Variants in OR5A1 observed in about 807,000 individuals in gnomAD.
OR5A1 encodes olfactory receptor 5A1.
OR5A1 carries 6 observed loss-of-function variants against 6.7 expected under a neutral mutation model. The ratio of observed to expected loss-of-function variants is 0.89; its 90% CI spans 0.49 to 1.76. The LOEUF (loss-of-function observed/expected upper bound fraction) is 1.76. Ranked by LOEUF, OR5A1 falls within the 40% of genes most tolerant of loss-of-function variation. The pLI is 0.01. For synonymous variants in OR5A1, 170 were observed against 155.0 expected (o/e 1.10, Z -0.72); for missense variants, 378 against 381.7 (o/e 0.99, Z 0.08).
chr11:59,451,356 A>G lies in OR5A1; in HGVS notation c.*7240A>G, dbSNP rs1402893477. The G allele has an allele frequency of 6.6e-6, 1 of 152,078 alleles. No homozygotes were observed. Among genetic ancestry groups the G allele is most frequent in the Admixed American group, 6.6e-5 (1 of 15,242 alleles). The allele number at this position is 152,078 out of a possible 1,614,324, so 9.4% of individuals were successfully genotyped here. ...CTCCTAATATATTTATCTGATCAAT[A>G]GTTGATTGACTGTCTTTTCACATGT... On this transcript the variant is annotated 3_prime_UTR_variant, in exon 2 of 2. Coordinates refer to ENST00000641045, the MANE Select transcript of OR5A1 (RefSeq NM_001004728.2).
At position 59,438,941 on chromosome 11, in the gene OR5A1, A is replaced by G. The variant is rs546859978; in HGVS notation, c.-34+2106A>G. ...TTTCATCAATCATTTGTACATTCAG[A>G]TAAAAGAAAGACCTGGAAGAGCAGT... On this transcript the variant is annotated intron_variant, in intron 1 of 1. Transcript: ENST00000641045. Among the ~76,000 whole-genome samples the G allele has an allele frequency of 2.6e-5, 4 of 152,328 alleles. No homozygotes were observed. The South Asian group carries it at 8.3e-4, about 32-fold the overall frequency.
At chr11:59,438,506 G>A (rs1858447109) in intron 1 of OR5A1, among the ~76,000 whole-genome samples, 1 of 152,248 alleles carries the variant, frequency 6.6e-6, no homozygotes, top group African/African-American at 2.4e-5. Context: ...CTCTAAGGAG[G>A]GAAATTTGCT....
Position 59,443,271 on chromosome 11 carries a change from C to T in OR5A1, c.103C>T (p.Leu35=). The T allele has an allele frequency of 1.2e-6, 2 of 1,613,954 alleles. No individual in the cohort carries two copies. The highest frequency in any genetic ancestry group is 1.7e-6 in the Non-Finnish European group (2 of 1,179,948). The change falls in exon 2 of 2, where the codon CTG becomes TTG. Residue 35 remains leucine, a synonymous_variant. Transcript: ENST00000641045. ...CCAGGCCCTCCTCTTTGTGACCTTC[C>T]TGGGCATCTATCTTACCACCCTGGC... ...ELQALLFVTF[L]GIYLTTLAWN...
rs770027441 is a variant in OR5A1 at position 59,443,816 on chromosome 11, A to G, written c.648A>G (p.Gln216=). Reference sequence around the variant, plus strand: ...CTGTCGGAGGAACATCGTTCCTCCAACTCCTTATCTCCTATGGTTACATAG... The same window carrying G: ...CTGTCGGAGGAACATCGTTCCTCCAGCTCCTTATCTCCTATGGTTACATAG... ...VVTVGGTSFL[Q]LLISYGYIVS... is the part of the protein sequence containing the mutation. The change falls in exon 2 of 2, where the codon CAA becomes CAG. Residue 216 remains glutamine, a synonymous_variant. Transcript: ENST00000641045. The G allele has an allele frequency of 6.2e-7, 1 of 1,613,686 alleles. No individual in the cohort carries two copies. Among genetic ancestry groups the G allele is most frequent in the African/African-American group, 1.3e-5 (1 of 74,786 alleles).
chr11:59,441,551 T>C (rs1858480354), intron 1 of OR5A1, among the ~76,000 whole-genome samples: 1 of 152,202 alleles, frequency 6.6e-6, no homozygotes, highest in South Asian at 2.1e-4. Flanking sequence ...ATAAGCCACA[T>C]GGCCCTCTGA....
chr11:59,449,726 A>T lies in OR5A1; in HGVS notation c.*5610A>T, dbSNP rs924598841. ...ATGCATTAAGCCATTTAATTGACTT[A>T]TACAGCAACATAAGTGAATAGGGGA... On this transcript the variant is annotated 3_prime_UTR_variant, in exon 2 of 2. Transcript: ENST00000641045. 3.3e-5 allele frequency: 5 copies of T among 152,224 alleles called. No individual in the cohort carries two copies. Among genetic ancestry groups the T allele is most frequent in the Non-Finnish European group, 5.9e-5 (4 of 68,036 alleles). The allele number at this position is 152,224 out of a possible 1,614,324, so 9.4% of individuals were successfully genotyped here. A position where few individuals can be genotyped will look rare whatever the true frequency, so the allele number is the denominator to read the frequency against.
At chr11:59,440,060 C>T (rs200867669) in intron 1 of OR5A1, among the ~76,000 whole-genome samples, 1 of 152,076 alleles carries the variant, frequency 6.6e-6, no homozygotes, top group Non-Finnish European at 1.5e-5. Flanking sequence ...TAAGTAGTTA[C>T]TGTTTGTTTT....
chr11:59,444,319 G>GAAAA lies in OR5A1; in HGVS notation c.*220_*223dup, dbSNP rs35421205. 254 of 81,406 alleles carry GAAAA rather than the reference G, an allele frequency of 3.1e-3. 6 individuals carry two copies. The highest frequency in any genetic ancestry group is 4.4e-3 in the African/African-American group (86 of 19,596). 5.0% of individuals were successfully genotyped at this position (81,406 alleles called of 1,614,324 possible). On this transcript the variant is annotated 3_prime_UTR_variant, in exon 2 of 2. Coordinates refer to ENST00000641045, the MANE Select transcript of OR5A1 (RefSeq NM_001004728.2). Reference sequence around the variant, plus strand: ...GCCAAAAAGGGAAGGAATTTCTTCAGAAAAAAAAAAAAAAAAAAAAGAACC... The same window carrying GAAAA: ...GCCAAAAAGGGAAGGAATTTCTTCAGAAAAAAAAAAAAAAAAAAAAAAAAGAACC...
chr11:59,450,036 G>A lies in OR5A1; in HGVS notation c.*5920G>A, dbSNP rs1177426158. ...AAGCAAGCCTCACTATGCAAAGTAA[G>A]GTGTATGTTCCCCATTTCATGGAAT... On this transcript the variant is annotated 3_prime_UTR_variant, in exon 2 of 2. Coordinates refer to ENST00000641045, the MANE Select transcript of OR5A1 (RefSeq NM_001004728.2). 1 of 152,140 alleles carries A rather than the reference G, an allele frequency of 6.6e-6. No homozygotes were observed. The highest frequency in any genetic ancestry group is 2.4e-5 in the African/African-American group (1 of 41,416). The allele number at this position is 152,140 out of a possible 1,614,324, so 9.4% of individuals were successfully genotyped here.
Position 59,449,137 on chromosome 11 carries a change from G to A in OR5A1, c.*5021G>A, listed in dbSNP as rs1281460664. 6.6e-6 allele frequency: 1 copy of A among 152,098 alleles called. No individual in the cohort carries two copies. The highest frequency in any genetic ancestry group is 1.5e-5 in the Non-Finnish European group (1 of 68,012). The allele number at this position is 152,098 out of a possible 1,614,324, so 9.4% of individuals were successfully genotyped here. A position where few individuals can be genotyped will look rare whatever the true frequency, so the allele number is the denominator to read the frequency against. On this transcript the variant is annotated 3_prime_UTR_variant, in exon 2 of 2. Transcript: ENST00000641045. The stretch of plus-strand genomic sequence containing the variant: ...ATCTGCAACTGCCAACTTCTCCACT[G>A]AAAATATATTTCCTACAAATATCCA...
chr11:59,440,264 G>T (rs1316986645), intron 1 of OR5A1, among the ~76,000 whole-genome samples: 1 of 151,970 alleles, frequency 6.6e-6, no homozygotes, highest in Non-Finnish European at 1.5e-5. Flanking sequence ...TAGAGATGAG[G>T]TCTCACCATG....
Position 59,444,005 on chromosome 11 carries a change from T to C in OR5A1, c.837T>C (p.Val279=). 6 of 1,614,106 alleles carry C rather than the reference T, an allele frequency of 3.7e-6. No homozygotes were observed. Among genetic ancestry groups the C allele is most frequent in the Non-Finnish European group, 4.2e-6 (5 of 1,180,018 alleles). ...YLLGRDKVVS[V]FYSLVIPMLN... The stretch of plus-strand genomic sequence containing the variant: ...TAGGCAGGGACAAGGTGGTGTCTGT[T>C]TTCTATTCATTGGTGATCCCCATGC... The change falls in exon 2 of 2, where the codon GTT becomes GTC. Residue 279 remains valine, a synonymous_variant. Coordinates refer to ENST00000641045, the MANE Select transcript of OR5A1 (RefSeq NM_001004728.2).
chr11:59,441,003 T>C (rs1391811247), intron 1 of OR5A1, among the ~76,000 whole-genome samples: 2 of 152,152 alleles, frequency 1.3e-5, no homozygotes, highest in East Asian at 3.8e-4. Context: ...TGGGCCCCAA[T>C]TTCAAGGGCA....
Position 59,444,527 on chromosome 11 carries a change from G to C in OR5A1, c.*411G>C, listed in dbSNP as rs1326471501. On this transcript the variant is annotated 3_prime_UTR_variant, in exon 2 of 2. Transcript: ENST00000641045. ...CAGCAAGGAAAATTAACTTGCTCAG[G>C]GTCACCAAGGAAGAGGCAGAACTCT... 3 of 156,488 alleles carry C rather than the reference G, an allele frequency of 1.9e-5. No individual in the cohort carries two copies. Among genetic ancestry groups the C allele is most frequent in the South Asian group, 3.8e-4 (2 of 5,208 alleles). The allele number at this position is 156,488 out of a possible 1,614,324, so 9.7% of individuals were successfully genotyped here.
At position 59,446,391 on chromosome 11, in the gene OR5A1, T is replaced by C. The variant is rs1173218951; in HGVS notation, c.*2275T>C. 1 of 152,364 alleles carries C rather than the reference T, an allele frequency of 6.6e-6. No individual in the cohort carries two copies. The highest frequency in any genetic ancestry group is 6.5e-5 in the Admixed American group (1 of 15,298). The allele number at this position is 152,364 out of a possible 1,614,324, so 9.4% of individuals were successfully genotyped here. On this transcript the variant is annotated 3_prime_UTR_variant, in exon 2 of 2. Coordinates refer to ENST00000641045, the MANE Select transcript of OR5A1 (RefSeq NM_001004728.2). ...CATGTTGTTTTGGTTACCATAGACTTGTAGTATAGTTTGAAGTCAGGGAGT... is the reference window on the plus strand; with the variant it reads ...CATGTTGTTTTGGTTACCATAGACTCGTAGTATAGTTTGAAGTCAGGGAGT...
rs752114240 is a variant in OR5A1, at chr11:59,443,384, T to G, written c.216T>G (p.Ile72Met). 2 of 1,613,842 alleles carry G rather than the reference T, an allele frequency of 1.2e-6. No individual in the cohort carries two copies. Among genetic ancestry groups the G allele is most frequent in the South Asian group, 1.1e-5 (1 of 91,084 alleles). The change falls in exon 2 of 2, where the codon ATT (isoleucine) becomes ATG (methionine). Residue 72 changes from isoleucine to methionine, a missense_variant. Ile to Met is a conservative substitution (Grantham distance 10, BLOSUM62 1). Coordinates refer to ENST00000641045, the MANE Select transcript of OR5A1 (RefSeq NM_001004728.2). ...MYFFLSNLSF[I>M]DICYSSAVAP... ...TCTTCCTAAGCAACTTATCTTTCATTGACATCTGCTACTCTTCTGCTGTGG... is the reference window on the plus strand; with the variant it reads ...TCTTCCTAAGCAACTTATCTTTCATGGACATCTGCTACTCTTCTGCTGTGG...
intron 1 of OR5A1, among the ~76,000 whole-genome samples, 168 bp from the exon 2 acceptor site, chr11:59,442,968 A>G (rs1460937284): frequency 6.6e-6 from 1 of 152,240 alleles, no homozygotes; most frequent in Non-Finnish European, 1.5e-5. Flanking sequence ...ATTTAAGATG[A>G]TGACTGCAAC....
At chr11:59,443,092 T>C (rs1318029992) in intron 1 of OR5A1, 44 bp from the exon 2 acceptor site, 2 of 1,095,106 alleles carry the variant, frequency 1.8e-6, no homozygotes, top group African/African-American at 1.6e-5. Flanking sequence ...TTTGTAGTTA[T>C]TTGCTAATAC....
rs1029643350 is a variant in OR5A1, at chr11:59,446,941, G to T, written c.*2825G>T. ...AGAGATCCCTTCTCAGGTTTCCTGG[G>T]TTCTTCATCCTCTAAATTCATTCCC... is the stretch of plus-strand genomic sequence containing the variant. On this transcript the variant is annotated 3_prime_UTR_variant, in exon 2 of 2. Coordinates refer to ENST00000641045, the MANE Select transcript of OR5A1 (RefSeq NM_001004728.2). The T allele has an allele frequency of 2.6e-5, 4 of 152,146 alleles. No homozygotes were observed. In the South Asian group the frequency reaches 8.3e-4, roughly 32 times the overall value. The allele number at this position is 152,146 out of a possible 1,614,324, so 9.4% of individuals were successfully genotyped here.
Sources: gnomAD v4.1 joint callset for allele counts (sites outside exome capture counted in the v4.1 genomes callset) on GRCh38, gnomAD v4.1.1 for gene constraint, MANE v1.5 for transcripts, NCBI Gene and HGNC (gene_info 2026-07-23, HGNC 2026-07-21) for gene names.